TRPC5: variants seen among roughly 807,000 people sequenced by gnomAD.
TRPC5 encodes short transient receptor potential channel 5.
TRPC5 carries 9 observed loss-of-function variants against 56.5 expected under a neutral mutation model. The observed-to-expected ratio is 0.16, with a 90% confidence interval of 0.10 to 0.28. The LOEUF (loss-of-function observed/expected upper bound fraction) is 0.28, where lower values mean the gene tolerates loss of function less well. Ranked by LOEUF, TRPC5 falls within the 10% of genes least tolerant of loss-of-function variation. The pLI is 1.00. For synonymous variants in TRPC5, 282 were observed against 278.5 expected, an observed-to-expected ratio of 1.01 and a Z score of -0.13; for missense variants, 469 against 748.9, an observed-to-expected ratio of 0.63 and a Z score of 4.36.
At chrX:112,040,009 A>T (rs1464795128) in intron 1 of TRPC5, among the ~76,000 whole-genome samples, 3 of 112,099 alleles carry the variant, frequency 2.7e-5, no homozygotes, top group African/African-American at 9.7e-5. Context: ...TCTTAATTAT[A>T]GTCCTTCATG....
At chrX:112,001,505 T>C (rs146279984) in intron 1 of TRPC5, among the ~76,000 whole-genome samples, 29 of 112,345 alleles carry the variant, frequency 2.6e-4, no homozygotes, top group African/African-American at 9.0e-4. Flanking sequence ...CACACCTGTA[T>C]TCCTAGCACT....
intron 7 of TRPC5, among the ~76,000 whole-genome samples, chrX:111,823,293 T>G (rs1035902956): frequency 7.2e-5 from 8 of 111,719 alleles, no homozygotes; most frequent in African/African-American, 2.6e-4. Context: ...GGGGGAGGTC[T>G]GTCTGAAAAG....
chrX:111,989,284 G>A (rs1281937691), intron 1 of TRPC5, among the ~76,000 whole-genome samples: 1 of 111,830 alleles, frequency 8.9e-6, no homozygotes, highest in Non-Finnish European at 1.9e-5. Flanking sequence ...AGCAAAGTTA[G>A]AGGAAATATT....
intron 1 of TRPC5, among the ~76,000 whole-genome samples, chrX:111,963,732 A>G (rs945145859): frequency 3.6e-5 from 4 of 112,345 alleles, no homozygotes; most frequent in Admixed American, 9.4e-5. Flanking sequence ...GTGGACCTCT[A>G]GCAAACTCCA....
chrX:112,022,438 G>C (rs1278511434), intron 1 of TRPC5, among the ~76,000 whole-genome samples: 1 of 111,945 alleles, frequency 8.9e-6, no homozygotes. Flanking sequence ...TGAGAGAGGA[G>C]AGTTTTGTGT....
intron 1 of TRPC5, among the ~76,000 whole-genome samples, chrX:111,959,861 T>G (rs1449243163): frequency 9.0e-6 from 1 of 111,526 alleles, no homozygotes; most frequent in East Asian, 2.8e-4. Flanking sequence ...GCCAGGATGA[T>G]GTATCATATT....
intron 1 of TRPC5, among the ~76,000 whole-genome samples, chrX:112,010,795 AG>A (rs1407050997): frequency 2.7e-5 from 3 of 112,058 alleles, no homozygotes; most frequent in Non-Finnish European, 5.6e-5. Context: ...TGTACTTCTC[AG>A]GGTTCTTATG....
At position 112,022,928 on chromosome X, in the gene TRPC5, A is replaced by AT. The variant is rs575111907; in HGVS notation, c.-22+58950dup. Among the ~76,000 whole-genome samples the AT allele has an allele frequency of 7.6e-4, 82 of 107,362 alleles. 1 individual carries two copies. The highest frequency in any genetic ancestry group is 4.8e-3 in the Middle Eastern group (1 of 208). The allele number at this position is 107,362 out of a possible 115,157, so 93.2% of individuals were successfully genotyped here. A position where few individuals can be genotyped will look rare whatever the true frequency, so the allele number is the denominator to read the frequency against. ...AACTTGTCTGTGGGGATTGAGGAAG[A>AT]TTTTTTTTTTTATTTTTTATTTTTG... On this transcript the variant is annotated intron_variant, in intron 1 of 10. Transcript: ENST00000262839.
intron 3 of TRPC5, among the ~76,000 whole-genome samples, chrX:111,880,941 T>C (rs1924182251): frequency 9.0e-6 from 1 of 111,502 alleles, no homozygotes; most frequent in African/African-American, 3.3e-5. Context: ...GATAACTAAC[T>C]GTGGAGAGTT....
At chrX:112,077,722 A>G (rs927592215) in intron 1 of TRPC5, among the ~76,000 whole-genome samples, 11 of 111,621 alleles carry the variant, frequency 9.9e-5, no homozygotes, top group Non-Finnish European at 1.7e-4. Flanking sequence ...GCATTGCTCT[A>G]TTTTCTCAGA....
At chrX:112,052,295 G>GTT (rs57326849) in intron 1 of TRPC5, among the ~76,000 whole-genome samples, 7 of 108,039 alleles carry the variant, frequency 6.5e-5, no homozygotes, top group African/African-American at 1.7e-4. Context: ...TTTATTTACT[G>GTT]TTTTTTTTTA....
intron 1 of TRPC5, among the ~76,000 whole-genome samples, chrX:112,001,983 T>C (rs1447477177): frequency 2.7e-5 from 3 of 111,885 alleles, no homozygotes; most frequent in Non-Finnish European, 3.8e-5. Context: ...CCTTCTCTGC[T>C]ACCATCTGGT....
rs190506493 is a variant in TRPC5 at position 111,805,281 on chromosome X, A to G, written c.1897-23143T>C. Among the ~76,000 whole-genome samples, 956 of 111,951 alleles carry G rather than the reference A, an allele frequency of 8.5e-3. 9 individuals carry two copies. Among genetic ancestry groups the G allele is most frequent in the Non-Finnish European group, 0.01 (550 of 53,206 alleles). On this transcript the variant is annotated intron_variant, in intron 7 of 10. Coordinates refer to ENST00000262839, the MANE Select transcript of TRPC5 (RefSeq NM_012471.3). ...TATTTTATTGAGGATTTTTGCATCA[A>G]TGTTCATCAGGGATATTGGTCTAAA...
At chrX:111,778,759 G>A (rs1945898120) in intron 10 of TRPC5, among the ~76,000 whole-genome samples, 1 of 111,774 alleles carries the variant, frequency 8.9e-6, no homozygotes. Flanking sequence ...TTAAAAGAAT[G>A]CATACAGCAG....
chrX:112,047,848 A>C (rs950881001), intron 1 of TRPC5, among the ~76,000 whole-genome samples: 1 of 111,843 alleles, frequency 8.9e-6, no homozygotes, highest in African/African-American at 3.3e-5. Flanking sequence ...GTCTAATCTA[A>C]AGAAAGACTG....
Position 111,781,202 on chromosome X carries a change from C to T in TRPC5, c.2105G>A (p.Arg702His), listed in dbSNP as rs36047478. 362 of 1,206,627 alleles carry T rather than the reference C, an allele frequency of 3.0e-4. 1 individual carries two copies. The African/African-American group carries it at 5.3e-3, about 18-fold the overall frequency. Residue 702 changes from arginine to histidine, a missense_variant, in exon 9 of 11, where the codon CGC (arginine) becomes CAC (histidine). This residue lies in a region of TRPC5 where 194 missense variants were observed against 221.8 expected (regional missense o/e 0.87). Transcript: ENST00000262839. The part of the protein sequence containing the change: ...RRRNLRSFTE[R>H]NADSLIQNQH... The stretch of plus-strand genomic sequence containing the variant: ...ATTTTGTATCAGGCTGTCAGCATTG[C>T]GTTCCTATAATTGAAAATAGACAGA...
At chrX:111,911,623 C>T (rs1163799710) in intron 3 of TRPC5, among the ~76,000 whole-genome samples, 1 of 112,305 alleles carries the variant, frequency 8.9e-6, no homozygotes, top group Non-Finnish European at 1.9e-5. Context: ...AAATCAAAGC[C>T]TCACCTGTGA....
chrX:112,038,518 G>T (rs747103902), intron 1 of TRPC5, among the ~76,000 whole-genome samples: 4 of 111,914 alleles, frequency 3.6e-5, no homozygotes, highest in African/African-American at 1.3e-4. Flanking sequence ...TGTGCTGTAG[G>T]TGTTCTGTTA....
chrX:111,793,201 GA>G lies in TRPC5; in HGVS notation c.1897-11064del, dbSNP rs368300370. Among the ~76,000 whole-genome samples, 100 of 111,397 alleles carry G rather than the reference GA, an allele frequency of 9.0e-4. 2 individuals carry two copies. The highest frequency in any genetic ancestry group is 3.0e-3 in the African/African-American group (93 of 30,629). On this transcript the variant is annotated intron_variant, in intron 7 of 10. Transcript: ENST00000262839. ...TCCTTTTACAAGTCATCCCCAGGAA[GA>G]GAGTCCCATCAGCGTCCCGAAGGAG...
Sources: gnomAD v4.1 joint callset for allele counts (sites outside exome capture counted in the v4.1 genomes callset) on GRCh38, gnomAD v4.1.1 for gene constraint, gnomAD v4.1.1 regional missense constraint, MANE v1.5 for transcripts, NCBI Gene and HGNC (gene_info 2026-07-23, HGNC 2026-07-21) for gene names.